Variants in RAPGEF1 observed in about 807,000 individuals in gnomAD.
RAPGEF1 encodes the protein Rap guanine nucleotide exchange factor 1, also known as CRK SH3-binding GNRP.
In RAPGEF1, 33 loss-of-function variants were observed where a neutral mutation model predicts 143.3. The ratio of observed to expected loss-of-function variants is 0.23; its 90% confidence interval spans 0.17 to 0.31. The LOEUF (loss-of-function observed/expected upper bound fraction) is 0.31, where lower values mean the gene tolerates loss of function less well. Among genes scored for constraint, RAPGEF1 ranks in the 10% least tolerant of loss-of-function variants. The pLI, the probability that RAPGEF1 is intolerant of heterozygous loss-of-function variation, is 1.00. For synonymous variants in RAPGEF1, 629 were observed against 676.5 expected, an observed-to-expected ratio of 0.93 and a Z score of 1.09; for missense variants, 1,199 against 1,645.4, an observed-to-expected ratio of 0.73 and a Z score of 4.69.
In RAPGEF1 at chr9:131,630,271, G is replaced by C; in HGVS notation, c.705C>G (p.Pro235=). The C allele has an allele frequency of 6.2e-7, 1 of 1,613,688 alleles. No homozygotes were observed. The highest frequency in any genetic ancestry group is 1.3e-5 in the African/African-American group (1 of 74,966). The change falls in exon 6 of 27, where the codon CCC becomes CCG. Residue 235 remains proline (P), a synonymous_variant. Coordinates refer to ENST00000683357, the MANE Select transcript of RAPGEF1 (RefSeq NM_001377935.1). ...EKQGRPSPTS[P]VKPSSPASKP... The stretch of plus-strand genomic sequence containing the variant: ...TGCTGGCAGGGGAACTGGGCTTCAC[G>C]GGGCTCGTCGGAGACGGACGTCCCT...
At chr9:131,715,421 G>T (rs1589087400) in intron 1 of RAPGEF1, among the ~76,000 whole-genome samples, 1 of 151,980 alleles carries the variant, frequency 6.6e-6, no homozygotes, top group African/African-American at 2.4e-5. Flanking sequence ...CCAGGGGAAG[G>T]CCGGGGGTCA....
intron 1 of RAPGEF1, among the ~76,000 whole-genome samples, chr9:131,739,087 ACT>A (rs201359996): frequency 1.1e-4 from 17 of 151,804 alleles, no homozygotes; most frequent in East Asian, 7.7e-4. Flanking sequence ...ATCTTTGGAG[ACT>A]CTATTTCCAG....
Position 131,650,916 on chromosome 9 carries a change from A to G in RAPGEF1, c.95T>C (p.Met32Thr), listed in dbSNP as rs1970917101. Residue 32 changes from methionine (M) to threonine (T), a missense_variant, in exon 2 of 27, where the codon ATG becomes ACG. Coordinates refer to ENST00000683357, the MANE Select transcript of RAPGEF1 (RefSeq NM_001377935.1). This position sits in a 1 kb window ranked among gnomAD's most constrained non-coding sequence, Gnocchi z 4.7. ...SQRSHLSSFT[M>T]KLMDKFHSPK... ...TGAGTGGAATTTGTCCATCAGCTTC[A>G]TGGTGAAGGAAGAGAGATGAGAACG... is the stretch of plus-strand genomic sequence containing the variant. 1 of 1,613,910 alleles carries G rather than the reference A, an allele frequency of 6.2e-7. No homozygotes were observed. Among genetic ancestry groups the G allele is most frequent in the Non-Finnish European group, 8.5e-7 (1 of 1,179,810 alleles).
chr9:131,697,168 G>T (rs1834246121), intron 1 of RAPGEF1, among the ~76,000 whole-genome samples: 1 of 150,408 alleles, frequency 6.6e-6, no homozygotes, highest in South Asian at 2.1e-4. Flanking sequence ...GCCCTCTGCT[G>T]GCCCAGGCTT....
In RAPGEF1 at chr9:131,604,001, G is replaced by C; in HGVS notation, c.2372C>G (p.Ser791Cys). The change falls in exon 14 of 27, where the codon TCC becomes TGC. Residue 791 changes from serine (S) to cysteine (C), a missense_variant. By Grantham distance (112) the Ser-to-Cys change is moderately radical. Around this residue, in one of 6 missense-constraint regions of RAPGEF1, gnomAD observed 293 missense variants for 356.2 expected, o/e 0.82. Coordinates refer to ENST00000683357, the MANE Select transcript of RAPGEF1 (RefSeq NM_001377935.1). Reference sequence around the variant, plus strand: ...CAGCTCCTCGCTGCTCTGGCCAGAGGAATACAGATTGACATATTCACCCTC... The same window carrying C: ...CAGCTCCTCGCTGCTCTGGCCAGAGCAATACAGATTGACATATTCACCCTC... ...AGEGEYVNLYSSGQSSEELAP... is the reference protein window; with the variant it reads ...AGEGEYVNLYCSGQSSEELAP... 1 of 1,340,766 alleles carries C rather than the reference G, an allele frequency of 7.5e-7. No individual in the cohort carries two copies. Among genetic ancestry groups the C allele is most frequent in the South Asian group, 1.2e-5 (1 of 84,268 alleles). The allele number at this position is 1,340,766 out of a possible 1,614,324, so 83.1% of individuals were successfully genotyped here.
chr9:131,695,159 T>G (rs1419681467), intron 1 of RAPGEF1, among the ~76,000 whole-genome samples: 1 of 152,190 alleles, frequency 6.6e-6, no homozygotes, highest in East Asian at 1.9e-4. Flanking sequence ...ACATGTCTAA[T>G]CAATGTTCAT....
At position 131,667,179 on chromosome 9, in the gene RAPGEF1, G is replaced by A. The variant is rs1009825358; in HGVS notation, c.62-16230C>T. On this transcript the variant is annotated intron_variant, in intron 1 of 26. Transcript: ENST00000683357. This position sits in a 1 kb window ranked among gnomAD's most constrained non-coding sequence, Gnocchi z 4.6. ...TAAGTTTTGTATTTTTAGTAGAGAT[G>A]GGGTTTCACCATGTTGGTCAGGCTG... Among the ~76,000 whole-genome samples the A allele has an allele frequency of 6.6e-6, 1 of 151,886 alleles. No individual in the cohort carries two copies. Among genetic ancestry groups the A allele is most frequent in the African/African-American group, 2.4e-5 (1 of 41,322 alleles).
intron 5 of RAPGEF1, 58 bp downstream of exon 5, chr9:131,638,577 C>T (rs1966865671): frequency 6.3e-7 from 1 of 1,589,900 alleles, no homozygotes; most frequent in South Asian, 1.1e-5. Flanking sequence ...GTGACAAGCA[C>T]CAGCAGGCAG....
At chr9:131,703,514 C>T (rs540945637) in intron 1 of RAPGEF1, among the ~76,000 whole-genome samples, 53 of 152,314 alleles carry the variant, frequency 3.5e-4, no homozygotes, top group African/African-American at 1.2e-3. Context: ...GGACAGACTC[C>T]TTCATCCTCA....
chr9:131,704,248 T>C (rs1055903569), intron 1 of RAPGEF1, among the ~76,000 whole-genome samples: 2 of 150,594 alleles, frequency 1.3e-5, no homozygotes, highest in African/African-American at 4.9e-5. Flanking sequence ...CACACGGGCA[T>C]CCAGCTGCCC....
chr9:131,597,164 C>G (rs1276873230), intron 16 of RAPGEF1, among the ~76,000 whole-genome samples: 1 of 152,246 alleles, frequency 6.6e-6, no homozygotes, highest in East Asian at 1.9e-4. Flanking sequence ...AGGGACGGAA[C>G]CAGCCCTCTC....
At chr9:131,729,278 C>T (rs1836866972) in intron 1 of RAPGEF1, among the ~76,000 whole-genome samples, 1 of 151,118 alleles carries the variant, frequency 6.6e-6, no homozygotes, top group African/African-American at 2.4e-5. Flanking sequence ...AGGGCACTGA[C>T]GCCTCAGCCC....
intron 1 of RAPGEF1, among the ~76,000 whole-genome samples, chr9:131,686,696 G>T (rs1458971367): frequency 6.6e-6 from 1 of 152,204 alleles, no homozygotes; most frequent in Non-Finnish European, 1.5e-5. Context: ...CACTGCCTTT[G>T]TTTTCCACCT....
chr9:131,592,810 G>A (rs909193523), intron 17 of RAPGEF1, among the ~76,000 whole-genome samples: 8 of 152,174 alleles, frequency 5.3e-5, no homozygotes, highest in African/African-American at 9.7e-5. Context: ...GAGTGCAGTG[G>A]TGCGATCTTG....
chr9:131,579,984 C>T (rs1951618440), intron 26 of RAPGEF1, among the ~76,000 whole-genome samples: 1 of 152,222 alleles, frequency 6.6e-6, no homozygotes, highest in African/African-American at 2.4e-5. Context: ...AGGCCCTTCT[C>T]ACAGCAAGGT....
At chr9:131,658,237 T>C (rs1475796546) in intron 1 of RAPGEF1, among the ~76,000 whole-genome samples, 1 of 152,210 alleles carries the variant, frequency 6.6e-6, no homozygotes, top group Non-Finnish European at 1.5e-5. Flanking sequence ...ACAGTCCCAC[T>C]AGCAAGGTTG....
chr9:131,582,784 A>C, intron 24 of RAPGEF1, 82 bp from the exon 25 acceptor site: 2 of 1,260,820 alleles, frequency 1.6e-6, no homozygotes, highest in Non-Finnish European at 2.2e-6. Context: ...GGTCCTCCTC[A>C]CTAACTGGAG....
chr9:131,721,279 T>A (rs749742538), intron 1 of RAPGEF1, among the ~76,000 whole-genome samples: 12 of 152,152 alleles, frequency 7.9e-5, no homozygotes, highest in Non-Finnish European at 1.5e-4. Flanking sequence ...AGGACTCTGT[T>A]AATAATGATG....
chr9:131,731,494 T>G (rs1015440925), intron 1 of RAPGEF1, among the ~76,000 whole-genome samples: 2 of 152,344 alleles, frequency 1.3e-5, no homozygotes, highest in East Asian at 3.9e-4. Flanking sequence ...TTTAACACGG[T>G]CACATTCCAC....
Sources: gnomAD v4.1 joint callset for allele counts (sites outside exome capture counted in the v4.1 genomes callset) on GRCh38, gnomAD v4.1.1 for gene constraint, gnomAD v4.1.1 regional missense constraint, Gnocchi (gnomAD v3.1) non-coding constraint, MANE v1.5 for transcripts, NCBI Gene and HGNC (gene_info 2026-07-23, HGNC 2026-07-21) for gene names.